NECAB3: variants seen among roughly 807,000 people sequenced by gnomAD.
NECAB3 encodes the protein N-terminal EF-hand calcium-binding protein 3.
A neutral mutation model predicts 57.2 loss-of-function variants in NECAB3; 38 were observed. The ratio of observed to expected loss-of-function variants is 0.66; its 90% CI spans 0.51 to 0.87. The LOEUF (loss-of-function observed/expected upper bound fraction) is 0.87, where lower values mean the gene tolerates loss of function less well. Ranked by LOEUF, NECAB3 falls within the 40% of genes least tolerant of loss-of-function variation. NECAB3 has a pLI of 0.00. For synonymous variants in NECAB3, 223 were observed against 222.6 expected (o/e 1.00, Z -0.02); for missense variants, 474 against 527.5 (o/e 0.90, Z 0.99).
intron 1 of NECAB3, among the ~76,000 whole-genome samples, chr20:33,673,807 T>C (rs1179288030): frequency 6.6e-6 from 1 of 152,090 alleles, no homozygotes; most frequent in Non-Finnish European, 1.5e-5. Context: ...TTACCAACTG[T>C]AGGACTCTGC....
In NECAB3 at chr20:33,663,827, A is replaced by T. The variant is rs188273385; in HGVS notation, c.388-3432T>A. 2.8e-6 allele frequency: 4 copies of T among 1,409,394 alleles called. No individual in the cohort carries two copies. In the East Asian group the frequency reaches 1.2e-4, roughly 42 times the overall value. The allele number at this position is 1,409,394 out of a possible 1,614,324, so 87.3% of individuals were successfully genotyped here. On this transcript the variant is annotated intron_variant, in intron 5 of 11. Coordinates refer to ENST00000246190, the MANE Select transcript of NECAB3 (RefSeq NM_031232.4). ...CGCGAAGCCGGCCCCGCCGAGGAGC[A>T]GCCGCGCAAACGGTGCCGCTGCCCT...
intron 5 of NECAB3, chr20:33,662,109 C>T (rs923232569): frequency 1.8e-5 from 8 of 440,782 alleles, no homozygotes; most frequent in African/African-American, 1.6e-4. Context: ...CCCCTCTATT[C>T]ACCACTAAGC....
At position 33,673,840 on chromosome 20, in the gene NECAB3, A is replaced by G. The variant is rs184708081; in HGVS notation, c.129+384T>C. Among the ~76,000 whole-genome samples the G allele has an allele frequency of 4.6e-3, 693 of 152,146 alleles. 4 individuals are homozygous for G. Among genetic ancestry groups the G allele is most frequent in the African/African-American group, 0.016 (644 of 41,532 alleles). On this transcript the variant is annotated intron_variant, in intron 1 of 11. Transcript: ENST00000246190. ...TGCTGCCCTGGAGTGGGGCCTGAAG[A>G]ACTCTGGGGGCGGCACTAGAGTCAG...
rs1167558104 is a variant in NECAB3 at position 33,658,018 on chromosome 20, A to G, written c.1086T>C (p.Pro362=). 6.4e-7 allele frequency: 1 copy of G among 1,552,158 alleles called. No homozygotes were observed. The highest frequency in any genetic ancestry group is 1.2e-5 in the South Asian group (1 of 84,078). The part of the protein sequence containing the change: ...EASWRRHQQS[P]GSKAFQRILI... ...GGATGCGCTGGAAGGCCTTGCTGCC[A>G]GGCGACTGCTGGTGCCTGCAGAGAC... is the stretch of plus-strand genomic sequence containing the variant. The change falls in exon 11 of 12, where the codon CCT becomes CCC. Residue 362 remains proline, a synonymous_variant. Transcript: ENST00000246190.
At chr20:33,668,079 C>T (rs778618252) in intron 5 of NECAB3, 1 of 1,587,856 alleles carries the variant, frequency 6.3e-7, no homozygotes, top group Admixed American at 1.8e-5. Flanking sequence ...GCTACGCGGC[C>T]CTGCGGCCCC....
At chr20:33,662,805 G>C (rs1053470815) in intron 5 of NECAB3, 6 of 273,072 alleles carry the variant, frequency 2.2e-5, no homozygotes, top group Middle Eastern at 1.2e-3. Context: ...GGTTGTGGTG[G>C]TGAATGCCCG....
At chr20:33,667,971 C>T (rs1316721622) in intron 5 of NECAB3, 10 of 1,549,856 alleles carry the variant, frequency 6.5e-6, no homozygotes, top group South Asian at 1.2e-5. Context: ...TGCGGACACG[C>T]CTGGCAGACA....
At chr20:33,671,626 C>A (rs2017828964) in intron 2 of NECAB3, among the ~76,000 whole-genome samples, 1 of 152,222 alleles carries the variant, frequency 6.6e-6, no homozygotes, top group Non-Finnish European at 1.5e-5. Flanking sequence ...AGCTCAGACC[C>A]TCCACGGGCC....
upstream of NECAB3, chr20:33,674,842 A>C (rs975647874): frequency 6.6e-6 from 1 of 152,222 alleles, no homozygotes; most frequent in Non-Finnish European, 1.5e-5. Context: ...GTGCGGCCGA[A>C]TCCCAGGCAT....
chr20:33,658,263 G>A (rs1038034088), intron 10 of NECAB3, among the ~76,000 whole-genome samples: 2 of 152,186 alleles, frequency 1.3e-5, no homozygotes, highest in Non-Finnish European at 2.9e-5. Context: ...CTGTGTCCCT[G>A]TGCTGTATTC....
intron 5 of NECAB3, among the ~76,000 whole-genome samples, chr20:33,663,077 G>C (rs762741415): frequency 6.6e-6 from 1 of 152,218 alleles, no homozygotes; most frequent in Non-Finnish European, 1.5e-5. Flanking sequence ...CCAACACGGA[G>C]AATCAGTTCT....
rs2017812214 is a variant in NECAB3, at chr20:33,670,739, G to T, written c.208C>A (p.Leu70Ile). 6.2e-7 allele frequency: 1 copy of T among 1,613,968 alleles called. No homozygotes were observed. Among genetic ancestry groups the T allele is most frequent in the Non-Finnish European group, 8.5e-7 (1 of 1,179,974 alleles). The change falls in exon 3 of 12, where the codon CTC (leucine) becomes ATC (isoleucine). Residue 70 changes from leucine to isoleucine, a missense_variant. Leu to Ile is a conservative substitution (Grantham distance 5). Transcript: ENST00000246190. ...EFQNYFADGVLSLGELQELFS... is the reference protein window; with the variant it reads ...EFQNYFADGVISLGELQELFS... ...AGTTCCTGCAGCTCCCCCAGGCTGAGAACCCCATCGGCAAAGTAATTCTGG... is the reference window on the plus strand; with the variant it reads ...AGTTCCTGCAGCTCCCCCAGGCTGATAACCCCATCGGCAAAGTAATTCTGG...
chr20:33,672,746 C>T (rs1433303673), intron 1 of NECAB3, among the ~76,000 whole-genome samples: 1 of 152,196 alleles, frequency 6.6e-6, no homozygotes, highest in African/African-American at 2.4e-5. Flanking sequence ...ATACATCAGC[C>T]CCTGGCACAG....
chr20:33,663,780 C>T (rs1366202065), intron 5 of NECAB3: 26 of 1,428,666 alleles, frequency 1.8e-5, no homozygotes, highest in East Asian at 5.8e-5. Flanking sequence ...TCTCGCGCTT[C>T]CGGTCCCCGG....
chr20:33,673,050 T>TAC (rs956352731), intron 1 of NECAB3, among the ~76,000 whole-genome samples: 9 of 151,888 alleles, frequency 5.9e-5, no homozygotes, highest in Admixed American at 5.9e-4. Flanking sequence ...GGCGTGTGTG[T>TAC]ACACACACAC....
At chr20:33,671,614 G>C (rs529437085) in intron 2 of NECAB3, among the ~76,000 whole-genome samples, 5 of 152,202 alleles carry the variant, frequency 3.3e-5, no homozygotes, top group African/African-American at 9.6e-5. Context: ...GGCTGACTGC[G>C]AAGCTCAGAC....
chr20:33,668,620 A>C, intron 5 of NECAB3: 2 of 177,190 alleles, frequency 1.1e-5, no homozygotes, highest in Non-Finnish European at 1.2e-5. Context: ...AAGCTACTAA[A>C]TCTCATGTGA....
rs1601153657 is a variant in NECAB3, at chr20:33,660,690, C to T, written c.388-295G>A. ...GCCCCTTCCCTGATGGGGCTACCAC[C>T]TTCAGCACTGTCATAGCCAGTGAGT... On this transcript the variant is annotated intron_variant, in intron 5 of 11. Coordinates refer to ENST00000246190, the MANE Select transcript of NECAB3 (RefSeq NM_031232.4). The surrounding 1 kb of genome is among the most constrained non-coding windows in gnomAD (Gnocchi z 4.1). Among the ~76,000 whole-genome samples, 1 of 152,310 alleles carries T rather than the reference C, an allele frequency of 6.6e-6. No homozygotes were observed. The highest frequency in any genetic ancestry group is 2.4e-5 in the African/African-American group (1 of 41,570).
intron 5 of NECAB3, chr20:33,668,285 TCTAA>T: frequency 6.5e-7 from 1 of 1,534,464 alleles, no homozygotes; most frequent in South Asian, 1.3e-5. Flanking sequence ...CAGCTCTCTA[TCTAA>T]AGAGTCAAGT....
Sources: allele counts gnomAD v4.1 joint callset (sites outside exome capture counted in the v4.1 genomes callset), GRCh38; gene constraint gnomAD v4.1.1; non-coding constraint Gnocchi (gnomAD v3.1); transcripts MANE v1.5; gene names NCBI Gene and HGNC (gene_info 2026-07-23, HGNC 2026-07-21).